COL5A2: variants seen among roughly 807,000 people sequenced by gnomAD.
COL5A2 encodes collagen alpha-2(V) chain.
COL5A2 carries 23 observed loss-of-function variants against 208.2 expected under a neutral mutation model. The observed-to-expected ratio is 0.11, with a 90% CI of 0.08 to 0.16. The LOEUF is 0.16. COL5A2 is among the 10% of genes least tolerant of loss of function. The pLI is 1.00. For synonymous variants in COL5A2, 625 were observed against 628.5 expected, an observed-to-expected ratio of 0.99 and a Z score of 0.08; for missense variants, 1,590 against 1,956.4, an observed-to-expected ratio of 0.81 and a Z score of 3.53.
chr2:189,175,389 T>C (rs997837533), intron 1 of COL5A2, among the ~76,000 whole-genome samples: 2 of 151,878 alleles, frequency 1.3e-5, no homozygotes, highest in Non-Finnish European at 2.9e-5. Context: ...TCAGCAGCCA[T>C]TTAGGACCAT....
At chr2:189,305,504 A>C in the COL5A2 span, among the ~76,000 whole-genome samples, 4 of 152,210 alleles carry the variant, frequency 2.6e-5, no homozygotes, top group African/African-American at 9.6e-5. Flanking sequence ...CCTTGGAAGC[A>C]TTGAGTAAAC....
the COL5A2 span, among the ~76,000 whole-genome samples, chr2:189,381,911 A>G: frequency 1.3e-5 from 2 of 152,100 alleles, no homozygotes; most frequent in Non-Finnish European, 2.9e-5. Context: ...TTTGAAAAAT[A>G]GCCCTTTATT....
the COL5A2 span, among the ~76,000 whole-genome samples, chr2:189,276,459 T>A: frequency 6.6e-6 from 1 of 152,124 alleles, no homozygotes. Context: ...CATAGAAAAA[T>A]CTGGGAAGTT....
chr2:189,294,757 T>A, the COL5A2 span, among the ~76,000 whole-genome samples: 1 of 152,198 alleles, frequency 6.6e-6, no homozygotes, highest in African/African-American at 2.4e-5. Flanking sequence ...AATAAAAATA[T>A]GTCTTCCACA....
the COL5A2 span, among the ~76,000 whole-genome samples, chr2:189,404,470 T>C: frequency 1.3e-5 from 2 of 152,168 alleles, no homozygotes; most frequent in Admixed American, 6.5e-5. Context: ...CCAACTTCCT[T>C]ATTCTCAGGC....
rs34715449 is a variant in COL5A2, at chr2:189,057,290, G to GAAAA, written c.2337+26_2337+29dup. On this transcript the variant is annotated intron_variant, in intron 34 of 53. Coordinates refer to ENST00000374866, the MANE Select transcript of COL5A2 (RefSeq NM_000393.5). ...AGCAGAAAGTCTGAATAAATGAACT[G>GAAAA]AAAAAAAAAAAAAAAAAAAAAGGAC... The GAAAA allele has an allele frequency of 3.9e-3, 2,753 of 707,506 alleles. 17 individuals are homozygous for GAAAA. The highest frequency in any genetic ancestry group is 8.9e-3 in the South Asian group (480 of 53,766). The allele number at this position is 707,506 out of a possible 1,614,324, so 43.8% of individuals were successfully genotyped here.
At chr2:189,389,080 GT>G in the COL5A2 span, among the ~76,000 whole-genome samples, 4 of 151,808 alleles carry the variant, frequency 2.6e-5, no homozygotes, top group Non-Finnish European at 4.4e-5. Flanking sequence ...ATTTTTAGGA[GT>G]TTTTTTTGAT....
chr2:189,082,843 A>G (rs915795904), intron 12 of COL5A2, among the ~76,000 whole-genome samples: 7 of 152,200 alleles, frequency 4.6e-5, no homozygotes, highest in South Asian at 2.1e-4. Context: ...ATGGGTTGAA[A>G]AGGACATCTG....
chr2:189,110,153 G>C (rs1687230793), intron 2 of COL5A2, 72 bp downstream of exon 2: 2 of 1,153,298 alleles, frequency 1.7e-6, no homozygotes, highest in Non-Finnish European at 2.6e-6. Context: ...GCTGAATGCT[G>C]AAAGTGAAAA....
At chr2:189,045,099 A>C in intron 47 of COL5A2, 80 bp downstream of exon 47, 2 of 931,960 alleles carry the variant, frequency 2.1e-6, no homozygotes, top group Non-Finnish European at 3.2e-6. Flanking sequence ...TTTTTCAGTT[A>C]TGAATCTTAA....
chr2:189,348,545 T>G, the COL5A2 span, among the ~76,000 whole-genome samples: 3 of 152,190 alleles, frequency 2.0e-5, no homozygotes, highest in Non-Finnish European at 4.4e-5. Flanking sequence ...TGACTTCTAG[T>G]ACAAGGTTCT....
At chr2:189,326,796 C>A in the COL5A2 span, among the ~76,000 whole-genome samples, 1 of 151,440 alleles carries the variant, frequency 6.6e-6, no homozygotes, top group African/African-American at 2.4e-5. Context: ...TGAGGCCAGG[C>A]GCGGTGGTTC....
At chr2:189,381,656 G>A in the COL5A2 span, among the ~76,000 whole-genome samples, 1 of 151,950 alleles carries the variant, frequency 6.6e-6, no homozygotes, top group Non-Finnish European at 1.5e-5. Context: ...AGATAATCTT[G>A]AAAATAATAA....
At chr2:189,093,188 C>G (rs1202090702) in intron 6 of COL5A2, among the ~76,000 whole-genome samples, 1 of 152,160 alleles carries the variant, frequency 6.6e-6, no homozygotes. Context: ...ACAGCCACGT[C>G]CTCAGTTCTG....
the COL5A2 span, among the ~76,000 whole-genome samples, chr2:189,382,840 C>G: frequency 3.9e-5 from 6 of 152,016 alleles, no homozygotes; most frequent in African/African-American, 1.5e-4. Context: ...AAAGAACATT[C>G]ACAAGGGTGG....
chr2:189,392,033 C>A, the COL5A2 span, among the ~76,000 whole-genome samples: 1 of 152,090 alleles, frequency 6.6e-6, no homozygotes, highest in African/African-American at 2.4e-5. Context: ...CATGGTAATA[C>A]ATGATAATAT....
the COL5A2 span, among the ~76,000 whole-genome samples, chr2:189,236,222 T>A: frequency 6.6e-6 from 1 of 151,704 alleles, no homozygotes; most frequent in South Asian, 2.1e-4. Context: ...CTGTAATGAA[T>A]CATAACCATG....
the COL5A2 span, among the ~76,000 whole-genome samples, chr2:189,273,742 T>TCAGG: frequency 6.6e-6 from 1 of 152,072 alleles, no homozygotes; most frequent in Non-Finnish European, 1.5e-5. Flanking sequence ...ACTAAGTAAG[T>TCAGG]CAGGCACAGA....
the COL5A2 span, among the ~76,000 whole-genome samples, chr2:189,275,820 A>G: frequency 6.6e-6 from 1 of 152,178 alleles, no homozygotes; most frequent in Non-Finnish European, 1.5e-5. Flanking sequence ...AATTAATGCT[A>G]TTATCCATAA....
Sources: gnomAD v4.1 joint callset for allele counts (sites outside exome capture counted in the v4.1 genomes callset) on GRCh38, gnomAD v4.1.1 for gene constraint, MANE v1.5 for transcripts, NCBI Gene and HGNC (gene_info 2026-07-23, HGNC 2026-07-21) for gene names.